FBXL17: variants seen among roughly 807,000 people sequenced by gnomAD.
FBXL17 encodes F-box/LRR-repeat protein 17.
In FBXL17, 22 loss-of-function variants were observed where a neutral mutation model predicts 66.2. That is an observed-to-expected ratio of 0.33 (90% CI 0.24 to 0.47). FBXL17 has a LOEUF of 0.47. Ranked by LOEUF, FBXL17 falls within the 20% of genes least tolerant of loss-of-function variation. The pLI, the probability that FBXL17 is intolerant of heterozygous loss-of-function variation, is 1.00. For synonymous variants in FBXL17, 474 were observed against 400.5 expected (o/e 1.18, Z -2.19); for missense variants, 878 against 948.2 (o/e 0.93, Z 0.97).
chr5:107,869,427 T>C (rs1748380384), intron 8 of FBXL17, among the ~76,000 whole-genome samples: 1 of 152,170 alleles, frequency 6.6e-6, no homozygotes, highest in Admixed American at 6.5e-5. Flanking sequence ...TTAAAAAGGA[T>C]GAAATCAGGG....
At chr5:108,097,047 C>G (rs1319979292) in intron 6 of FBXL17, among the ~76,000 whole-genome samples, 2 of 152,086 alleles carry the variant, frequency 1.3e-5, no homozygotes, top group African/African-American at 4.8e-5. Context: ...ATTGTAATCC[C>G]AAGGTGTCAA....
intron 7 of FBXL17, among the ~76,000 whole-genome samples, chr5:107,970,484 G>A (rs773290405): frequency 7.2e-5 from 11 of 152,032 alleles, no homozygotes; most frequent in South Asian, 2.1e-4. Flanking sequence ...CTTTAATTTC[G>A]TCTAGTGCGG....
intron 4 of FBXL17, among the ~76,000 whole-genome samples, chr5:108,252,838 T>G (rs957709065): frequency 6.6e-6 from 1 of 152,198 alleles, no homozygotes; most frequent in African/African-American, 2.4e-5. Context: ...CTGCCATTCC[T>G]TATGCTCTAA....
intron 7 of FBXL17, among the ~76,000 whole-genome samples, chr5:107,988,911 C>T (rs190051495): frequency 1.8e-3 from 277 of 152,110 alleles, no homozygotes; most frequent in Non-Finnish European, 1.1e-3. Flanking sequence ...CTTAATTGTA[C>T]CTGATAATGA....
chr5:108,219,210 G>A (rs578189284), intron 5 of FBXL17, among the ~76,000 whole-genome samples: 195 of 152,198 alleles, frequency 1.3e-3, no homozygotes, highest in African/African-American at 4.2e-3. Context: ...TTAAATATTT[G>A]GCAAAATTCA....
chr5:108,012,662 A>G (rs1754221091), intron 7 of FBXL17, among the ~76,000 whole-genome samples: 2 of 152,230 alleles, frequency 1.3e-5, no homozygotes, highest in African/African-American at 4.8e-5. Flanking sequence ...GTTACGCACA[A>G]ATTATGTAAA....
At chr5:108,326,587 A>G (rs192042771) in intron 4 of FBXL17, among the ~76,000 whole-genome samples, 108 of 152,172 alleles carry the variant, frequency 7.1e-4, no homozygotes, top group African/African-American at 2.5e-3. Flanking sequence ...TGGGTGACAG[A>G]GCGACAGAGC....
chr5:108,074,596 C>T (rs1010516), intron 6 of FBXL17, among the ~76,000 whole-genome samples: 96 of 152,256 alleles, frequency 6.3e-4, no homozygotes, highest in African/African-American at 2.3e-3. Flanking sequence ...CTACAGAGGA[C>T]GTCTAATGAC....
chr5:107,958,911 A>T (rs1580249468), intron 7 of FBXL17, among the ~76,000 whole-genome samples: 1 of 152,320 alleles, frequency 6.6e-6, no homozygotes, highest in East Asian at 1.9e-4. Flanking sequence ...TAGATCACTC[A>T]TTTTCTTAAA....
At chr5:108,361,116 T>C (rs900599188) in intron 3 of FBXL17, among the ~76,000 whole-genome samples, 1 of 152,166 alleles carries the variant, frequency 6.6e-6, no homozygotes, top group African/African-American at 2.4e-5. Context: ...TTCTATTTAT[T>C]CTTTTTTGTT....
chr5:108,151,502 A>T (rs1403387906), intron 6 of FBXL17, among the ~76,000 whole-genome samples: 1 of 152,244 alleles, frequency 6.6e-6, no homozygotes, highest in Non-Finnish European at 1.5e-5. Context: ...CTACACAGAA[A>T]GGTGAGATAA....
intron 6 of FBXL17, among the ~76,000 whole-genome samples, chr5:108,117,226 T>A (rs914077996): frequency 6.6e-6 from 1 of 152,202 alleles, no homozygotes; most frequent in Non-Finnish European, 1.5e-5. Flanking sequence ...TCAGGAAGAC[T>A]TGCATTAGAT....
At chr5:108,341,335 A>C (rs1024141438) in intron 4 of FBXL17, among the ~76,000 whole-genome samples, 2 of 152,142 alleles carry the variant, frequency 1.3e-5, no homozygotes, top group African/African-American at 4.8e-5. Context: ...ATCCACATAC[A>C]TATTAAAATA....
chr5:108,165,795 T>G (rs1752394438), intron 6 of FBXL17, among the ~76,000 whole-genome samples: 1 of 152,194 alleles, frequency 6.6e-6, no homozygotes, highest in African/African-American at 2.4e-5. Flanking sequence ...AACTCCTCCA[T>G]CCACTACCAG....
intron 3 of FBXL17, among the ~76,000 whole-genome samples, chr5:108,360,514 A>G (rs1219391334): frequency 6.6e-6 from 1 of 152,124 alleles, no homozygotes; most frequent in African/African-American, 2.4e-5. Flanking sequence ...GCTGCTTTGA[A>G]GATTCTGTCT....
intron 7 of FBXL17, among the ~76,000 whole-genome samples, chr5:108,019,790 C>G (rs1754518661): frequency 6.6e-6 from 1 of 151,746 alleles, no homozygotes; most frequent in Non-Finnish European, 1.5e-5. Flanking sequence ...ATTGCCAAAC[C>G]AGAAAACAAA....
chr5:108,193,033 T>C (rs112422742), intron 5 of FBXL17, among the ~76,000 whole-genome samples: 1 of 152,246 alleles, frequency 6.6e-6, no homozygotes, highest in Non-Finnish European at 1.5e-5. Flanking sequence ...TTAAAAATAA[T>C]GAAAACTTCT....
chr5:108,138,046 C>T (rs1473853070), intron 6 of FBXL17, among the ~76,000 whole-genome samples: 2 of 151,996 alleles, frequency 1.3e-5, no homozygotes, highest in Non-Finnish European at 2.9e-5. Flanking sequence ...GTTCTCAGGA[C>T]CAGGACTTTA....
intron 6 of FBXL17, among the ~76,000 whole-genome samples, chr5:108,154,244 C>T (rs1244234955): frequency 7.9e-6 from 1 of 125,932 alleles, no homozygotes; most frequent in African/African-American, 3.1e-5. Flanking sequence ...CACGTAAATT[C>T]AGAGGAGGAA....
Sources: gnomAD v4.1 joint callset for allele counts (sites outside exome capture counted in the v4.1 genomes callset) on GRCh38, gnomAD v4.1.1 for gene constraint, MANE v1.5 for transcripts, NCBI Gene and HGNC (gene_info 2026-07-23, HGNC 2026-07-21) for gene names.